CATSPERG: variants seen among roughly 807,000 people sequenced by gnomAD.
CATSPERG encodes the protein cation channel sperm-associated auxiliary subunit gamma.
Under a neutral mutation model 145.0 loss-of-function variants are expected in CATSPERG, and 115 were observed. That is an observed-to-expected ratio of 0.79 (90% CI 0.68 to 0.93). The LOEUF (loss-of-function observed/expected upper bound fraction) is 0.93. CATSPERG is among the 40% of genes least tolerant of loss of function. The probability of loss-of-function intolerance (pLI) is 0.00; values close to 1 mark genes in which losing one functional copy is unlikely to be tolerated. For missense variants in CATSPERG, 1,296 were observed against 1,490.1 expected (o/e 0.87, Z 2.14); for synonymous variants, 588 against 589.0 (o/e 1.00, Z 0.02).
chr19:38,365,240 A>G (rs1400677383), intron 22 of CATSPERG, 123 bp downstream of exon 22: 1 of 823,078 alleles, frequency 1.2e-6, no homozygotes, highest in African/African-American at 1.7e-5. Flanking sequence ...TTCTTTCTCA[A>G]CATTCATCCA....
At chr19:38,357,923 G>T in intron 11 of CATSPERG, 1 of 222,508 alleles carries the variant, frequency 4.5e-6, no homozygotes, top group Non-Finnish European at 9.0e-6. Context: ...TTGCACTGCA[G>T]CCTGGGCAAC....
chr19:38,360,402 T>C, intron 14 of CATSPERG, 87 bp from the exon 15 acceptor site: 1 of 1,553,888 alleles, frequency 6.4e-7, no homozygotes. Flanking sequence ...CCTCAAACAA[T>C]GGGGCCACCA....
chr19:38,367,783 C>G lies in CATSPERG; in HGVS notation c.2930+7C>G, dbSNP rs902580794. 2 of 1,612,008 alleles carry G rather than the reference C, an allele frequency of 1.2e-6. No homozygotes were observed. The highest frequency in any genetic ancestry group is 1.7e-6 in the Non-Finnish European group (2 of 1,178,158). ...TCAACAGCCCCCTGGACAAGTAATC[C>G]CCGTGGGGTCCCACGTGTAATCCAC... On this transcript the variant is annotated splice_region_variant and intron_variant, in intron 25 of 28. Coordinates refer to ENST00000409235, the MANE Select transcript of CATSPERG (RefSeq NM_021185.5).
chr19:38,368,135 C>T lies in CATSPERG; in HGVS notation c.3018C>T (p.Ile1006=), dbSNP rs768355442. The part of the protein sequence containing the change: ...FHIMSHESPG[I]EWLCLENAPC... ...TCATGTCCCACGAGAGCCCAGGCAT[C>T]GAGTGAGTGCGTAGCCTGGCCCCTC... Residue 1006 remains isoleucine, a splice_region_variant and synonymous_variant, in exon 26 of 29, where the codon ATC becomes ATT. Transcript: ENST00000409235. 3.0e-5 allele frequency: 49 copies of T among 1,613,804 alleles called. 1 individual carries two copies. Among genetic ancestry groups the T allele is most frequent in the South Asian group, 2.7e-4 (25 of 91,072 alleles).
intron 7 of CATSPERG, 142 bp from the exon 8 acceptor site, chr19:38,352,119 C>T (rs1012718374): frequency 2.1e-5 from 16 of 766,474 alleles, no homozygotes; most frequent in Middle Eastern, 3.3e-4. Context: ...GGTGCTGCTG[C>T]GGGGTGAGCA....
intron 4 of CATSPERG, 52 bp from the exon 5 acceptor site, chr19:38,343,941 A>T (rs996499219): frequency 4.3e-5 from 67 of 1,542,104 alleles, no homozygotes; most frequent in Non-Finnish European, 5.5e-5. Context: ...TGGGGCCTGG[A>T]ACCGGCCATT....
chr19:38,344,370 T>C lies in CATSPERG; in HGVS notation c.669+2T>C, dbSNP rs1253848582. ...ATCCAATTCACTGTGGGAGAGGAGG[T>C]GAGGGAATATGGCAGGGGAAAAAGA... is the stretch of plus-strand genomic sequence containing the variant. On this transcript the variant is annotated splice_donor_variant, in intron 6 of 28. Transcript: ENST00000409235. LOFTEE classifies it high-confidence loss of function. 3 of 1,550,536 alleles carry C rather than the reference T, an allele frequency of 1.9e-6. No homozygotes were observed. The East Asian group carries it at 7.3e-5, about 38-fold the overall frequency.
At chr19:38,368,972 AT>A (rs897409236) in intron 26 of CATSPERG, among the ~76,000 whole-genome samples, 10 of 151,288 alleles carry the variant, frequency 6.6e-5, no homozygotes, top group Non-Finnish European at 1.0e-4. Context: ...TAATTTTTGT[AT>A]TTTTTTTTCT....
rs781524348 is a variant in CATSPERG at position 38,365,100 on chromosome 19, C to T, written c.2596C>T (p.Leu866=). Residue 866 remains leucine, a synonymous_variant, in exon 22 of 29, where the codon CTG becomes TTG. Coordinates refer to ENST00000409235, the MANE Select transcript of CATSPERG (RefSeq NM_021185.5). ...CGGGCTCTGCTTCCAGGAAACACACCTGGGGCCCCATATGCAAGTATTGGA... is the reference window on the plus strand; with the variant it reads ...CGGGCTCTGCTTCCAGGAAACACACTTGGGGCCCCATATGCAAGTATTGGA... ...SSGLCFQETH[L]GPHMQGNLMV... 6 of 1,613,750 alleles carry T rather than the reference C, an allele frequency of 3.7e-6. No individual in the cohort carries two copies. Among genetic ancestry groups the T allele is most frequent in the Non-Finnish European group, 5.1e-6 (6 of 1,180,028 alleles).
chr19:38,344,062 T>A lies in CATSPERG; in HGVS notation c.539T>A (p.Val180Glu), dbSNP rs1969984180. 6.4e-7 allele frequency: 1 copy of A among 1,551,448 alleles called. No individual in the cohort carries two copies. The highest frequency in any genetic ancestry group is 8.7e-7 in the Non-Finnish European group (1 of 1,146,940). The change falls in exon 5 of 29, where the codon GTG (valine) becomes GAG (glutamate). Residue 180 changes from valine to glutamate, a missense_variant. By Grantham distance (121) the Val-to-Glu change is moderately radical (BLOSUM62 -2). Coordinates refer to ENST00000409235, the MANE Select transcript of CATSPERG (RefSeq NM_021185.5). ...CCCATGCCCATCAAGAAAGGCAGTG[T>A]GGTCATGCGTGTGGACATCAGCAGC... ...YTPMPIKKGSVVMRVDISSNG... is the reference protein window; with the variant it reads ...YTPMPIKKGSEVMRVDISSNG...
intron 6 of CATSPERG, among the ~76,000 whole-genome samples, chr19:38,345,060 C>T (rs1013982314): frequency 2.7e-5 from 4 of 150,396 alleles, no homozygotes; most frequent in African/African-American, 4.9e-5. Flanking sequence ...GCATGTACCA[C>T]CATATCCAGC....
intron 11 of CATSPERG, 194 bp from the exon 12 acceptor site, chr19:38,358,084 C>T: frequency 1.7e-6 from 1 of 603,690 alleles, no homozygotes. Context: ...CACCACTGCA[C>T]TCCAGCCTGG....
rs759561696 is a variant in CATSPERG at position 38,370,273 on chromosome 19, G to C, written c.3213+15G>C. The C allele has an allele frequency of 6.2e-7, 1 of 1,610,068 alleles. No individual in the cohort carries two copies. The highest frequency in any genetic ancestry group is 1.7e-5 in the Admixed American group (1 of 59,972). On this transcript the variant is annotated intron_variant, in intron 28 of 28. Coordinates refer to ENST00000409235, the MANE Select transcript of CATSPERG (RefSeq NM_021185.5). ...TCATCATCATGGTGAGTGGCTGTCCGGGAGCTGCCCTACTGGGTGGGCAGG... is the reference window on the plus strand; with the variant it reads ...TCATCATCATGGTGAGTGGCTGTCCCGGAGCTGCCCTACTGGGTGGGCAGG...
chr19:38,362,497 T>C lies in CATSPERG; in HGVS notation c.2279T>C (p.Leu760Pro), dbSNP rs1210683609. 5.0e-6 allele frequency: 8 copies of C among 1,613,798 alleles called. No homozygotes were observed. Among genetic ancestry groups the C allele is most frequent in the Non-Finnish European group, 5.1e-6 (6 of 1,180,040 alleles). ...TACGAGCTGCCGGAGCGCATTTTCC[T>C]GGACAAGGGCACTGAGTACAGCTTC... Reference protein sequence around the residue: ...SAYELPERIFLDKGTEYSFAI... With the variant: ...SAYELPERIFPDKGTEYSFAI... The change falls in exon 19 of 29, where the codon CTG becomes CCG. Residue 760 changes from leucine to proline, a missense_variant. Physicochemically the swap from Leu to Pro is moderately conservative, Grantham distance 98. Coordinates refer to ENST00000409235, the MANE Select transcript of CATSPERG (RefSeq NM_021185.5).
chr19:38,357,092 C>A (rs1970257010), intron 11 of CATSPERG, among the ~76,000 whole-genome samples: 1 of 152,096 alleles, frequency 6.6e-6, no homozygotes, highest in African/African-American at 2.4e-5. Context: ...GAATAGGGCC[C>A]CTATGTAGAT....
chr19:38,359,599 T>C lies in CATSPERG; in HGVS notation c.1608+18T>C. On this transcript the variant is annotated intron_variant, in intron 14 of 28. Transcript: ENST00000409235. ...CGGAGGAGGTGGGCTGCCCCGCCCC[T>C]CTCCCCGTTCCCTCTCTGCCCACCC... 6.7e-7 allele frequency: 1 copy of C among 1,497,760 alleles called. No homozygotes were observed. The highest frequency in any genetic ancestry group is 9.2e-7 in the Non-Finnish European group (1 of 1,090,786). 92.8% of individuals were successfully genotyped at this position (1,497,760 alleles called of 1,614,324 possible).
At chr19:38,366,263 TC>T (rs1970446954) in intron 22 of CATSPERG, 1 of 152,270 alleles carries the variant, frequency 6.6e-6, no homozygotes, top group African/African-American at 2.4e-5. Flanking sequence ...CTCACCCATT[TC>T]CCTACCCACT....
Position 38,356,777 on chromosome 19 carries a change from G to A in CATSPERG, c.1231G>A (p.Ala411Thr), listed in dbSNP as rs750033362. The change falls in exon 11 of 29, where the codon GCG becomes ACG. Residue 411 changes from alanine to threonine, a missense_variant. Transcript: ENST00000409235. The part of the protein sequence containing the change: ...TCSIIWSEYI[A>T]GEYTLLLLVE... ...CTCCATAATTTGGTCTGAATACATC[G>A]CGGGTGAGTATACTCTACTGCTGCT... 2.6e-5 allele frequency: 42 copies of A among 1,614,032 alleles called. No homozygotes were observed. Among genetic ancestry groups the A allele is most frequent in the Non-Finnish European group, 3.3e-5 (39 of 1,180,022 alleles).
At chr19:38,350,140 C>A (rs865846489) in intron 7 of CATSPERG, among the ~76,000 whole-genome samples, 1 of 152,186 alleles carries the variant, frequency 6.6e-6, no homozygotes, top group African/African-American at 2.4e-5. Flanking sequence ...CTTCCACTGA[C>A]ATTCCACTAG....
Sources: gnomAD v4.1 joint callset for allele counts (sites outside exome capture counted in the v4.1 genomes callset) on GRCh38, gnomAD v4.1.1 for gene constraint, MANE v1.5 for transcripts, NCBI Gene and HGNC (gene_info 2026-07-23, HGNC 2026-07-21) for gene names.